MYO16: variants seen among roughly 807,000 people sequenced by gnomAD.
MYO16 encodes myosin XVI.
Under a neutral mutation model 205.3 loss-of-function variants are expected in MYO16, and 94 were observed. That is an observed-to-expected ratio of 0.46 (90% CI 0.39 to 0.54). The LOEUF is 0.54. Among genes scored for constraint, MYO16 ranks in the 20% least tolerant of loss-of-function variants. MYO16 has a pLI of 0.00. For missense variants in MYO16, 2,315 were observed against 2,387.5 expected, an observed-to-expected ratio of 0.97 and a Z score of 0.63; for synonymous variants, 988 against 954.0, an observed-to-expected ratio of 1.04 and a Z score of -0.66.
intron 20 of MYO16, among the ~76,000 whole-genome samples, chr13:108,980,221 G>A (rs1884405379): frequency 6.6e-6 from 1 of 152,064 alleles, no homozygotes; most frequent in African/African-American, 2.4e-5. Context: ...GATTTAAAAG[G>A]CCAAAAAATC....
At chr13:108,927,697 C>T (rs2079265360) in intron 16 of MYO16, among the ~76,000 whole-genome samples, 1 of 152,256 alleles carries the variant, frequency 6.6e-6, no homozygotes, top group Non-Finnish European at 1.5e-5. Context: ...GACGGACAGA[C>T]ATGGCTCTGT....
rs9301329 is a variant in MYO16, at chr13:108,892,624, A to T, written c.1659+4147A>T. Reference sequence around the variant, plus strand: ...TGTTCAAATATGTTAATATCCTGACAACTGACACTTAAGAGTTAGAGTACG... The same window carrying T: ...TGTTCAAATATGTTAATATCCTGACTACTGACACTTAAGAGTTAGAGTACG... On this transcript the variant is annotated intron_variant, in intron 14 of 34. Coordinates refer to ENST00000457511, the MANE Select transcript of MYO16 (RefSeq NM_001198950.3). 2.6e-3 allele frequency among the ~76,000 whole-genome samples: 394 copies of T among 152,276 alleles called. 2 individuals are homozygous for T. The highest frequency in any genetic ancestry group is 9.1e-3 in the African/African-American group (377 of 41,544).
At chr13:109,155,613 C>T (rs1877970446) in intron 32 of MYO16, among the ~76,000 whole-genome samples, 1 of 152,182 alleles carries the variant, frequency 6.6e-6, no homozygotes, top group Non-Finnish European at 1.5e-5. Flanking sequence ...GCCTGGGAAC[C>T]CAGTTCTCTT....
At chr13:109,120,312 C>A (rs1875929716) in intron 28 of MYO16, 58 bp from the exon 29 acceptor site, 2 of 1,199,344 alleles carry the variant, frequency 1.7e-6, no homozygotes, top group African/African-American at 3.1e-5. Flanking sequence ...GATTATTTTT[C>A]CATCATCATT....
chr13:109,186,480 T>C (rs1879695296), intron 34 of MYO16, among the ~76,000 whole-genome samples: 1 of 152,082 alleles, frequency 6.6e-6, no homozygotes, highest in South Asian at 2.1e-4. Context: ...TGCAGGGAGA[T>C]CGATGATGCT....
chr13:109,134,305 G>A (rs1594113568), intron 31 of MYO16, among the ~76,000 whole-genome samples: 1 of 151,974 alleles, frequency 6.6e-6, no homozygotes, highest in South Asian at 2.1e-4. Flanking sequence ...ATTTATAATT[G>A]TTTAATGCAA....
intron 34 of MYO16, among the ~76,000 whole-genome samples, chr13:109,194,888 A>G (rs956332250): frequency 2.6e-5 from 4 of 152,258 alleles, no homozygotes; most frequent in African/African-American, 9.6e-5. Flanking sequence ...CCTAAATGTC[A>G]CAAATTAACT....
At chr13:109,043,414 C>T (rs1056552082) in intron 23 of MYO16, among the ~76,000 whole-genome samples, 20 of 151,678 alleles carry the variant, frequency 1.3e-4, no homozygotes, top group Admixed American at 1.1e-3. Context: ...CATGTGTGTG[C>T]GTGTGTGTTT....
chr13:108,653,908 A>T (rs1881125479), intron 1 of MYO16, among the ~76,000 whole-genome samples: 1 of 152,134 alleles, frequency 6.6e-6, no homozygotes. Context: ...AAAACCCATA[A>T]GGGAGTGAAG....
At chr13:108,983,105 A>G (rs1884503773) in intron 20 of MYO16, among the ~76,000 whole-genome samples, 1 of 152,240 alleles carries the variant, frequency 6.6e-6, no homozygotes, top group Admixed American at 6.5e-5. Flanking sequence ...GACTAAATCA[A>G]AACAAGAAAG....
At chr13:108,949,277 G>T (rs1049129403) in intron 16 of MYO16, among the ~76,000 whole-genome samples, 3 of 152,142 alleles carry the variant, frequency 2.0e-5, no homozygotes, top group African/African-American at 7.2e-5. Flanking sequence ...TGAAAAAGGG[G>T]AGTGCGAAGA....
intron 16 of MYO16, among the ~76,000 whole-genome samples, chr13:108,931,843 A>G (rs1476195984): frequency 6.6e-6 from 1 of 152,198 alleles, no homozygotes; most frequent in Non-Finnish European, 1.5e-5. Context: ...TTTGCAAATC[A>G]TCTGATGCAT....
chr13:108,945,965 A>C (rs1215577719), intron 16 of MYO16, among the ~76,000 whole-genome samples: 1 of 152,158 alleles, frequency 6.6e-6, no homozygotes, highest in Non-Finnish European at 1.5e-5. Flanking sequence ...GATATCCTGA[A>C]GCCAGACTTC....
chr13:108,561,336 C>A, the MYO16 span, among the ~76,000 whole-genome samples: 11 of 152,320 alleles, frequency 7.2e-5, no homozygotes, highest in African/African-American at 2.6e-4. Context: ...TATTTACTCT[C>A]TTTTATTCTC....
At chr13:108,891,288 G>T (rs951597951) in intron 14 of MYO16, among the ~76,000 whole-genome samples, 1 of 152,086 alleles carries the variant, frequency 6.6e-6, no homozygotes, top group Non-Finnish European at 1.5e-5. Flanking sequence ...TGTCTTACCT[G>T]CCCTGCTTTT....
At chr13:109,068,463 T>A (rs748675353) in intron 27 of MYO16, among the ~76,000 whole-genome samples, 13 of 152,080 alleles carry the variant, frequency 8.5e-5, no homozygotes, top group Non-Finnish European at 1.8e-4. Flanking sequence ...TCCAGTAAAC[T>A]TATAATAATG....
the MYO16 span, among the ~76,000 whole-genome samples, chr13:108,503,412 A>G: frequency 6.6e-6 from 1 of 151,724 alleles, no homozygotes; most frequent in Non-Finnish European, 1.5e-5. Flanking sequence ...TTTGGCCCCA[A>G]TTTTCTTCAT....
At chr13:109,023,633 A>ATG (rs1886212010) in intron 23 of MYO16, among the ~76,000 whole-genome samples, 1 of 109,496 alleles carries the variant, frequency 9.1e-6, no homozygotes, top group African/African-American at 3.3e-5. Context: ...ATATAGACAA[A>ATG]TATATATACA....
intron 4 of MYO16, among the ~76,000 whole-genome samples, chr13:108,730,908 C>A (rs950221776): frequency 6.6e-6 from 1 of 152,184 alleles, no homozygotes; most frequent in Non-Finnish European, 1.5e-5. Context: ...CCCGCATTTA[C>A]TATTAAGATT....
Sources: allele counts gnomAD v4.1 joint callset (sites outside exome capture counted in the v4.1 genomes callset), GRCh38; gene constraint gnomAD v4.1.1; transcripts MANE v1.5; gene names NCBI Gene and HGNC (gene_info 2026-07-23, HGNC 2026-07-21).